Variants in ARHGEF10L observed in about 807,000 individuals in gnomAD.
The protein encoded by ARHGEF10L is rho guanine nucleotide exchange factor 10-like protein.
Under a neutral mutation model 141.2 loss-of-function variants are expected in ARHGEF10L, and 69 were observed. The observed-to-expected ratio is 0.49, with a 90% confidence interval of 0.40 to 0.60. The LOEUF (loss-of-function observed/expected upper bound fraction) is 0.60. Ranked by LOEUF, ARHGEF10L falls within the 20% of genes least tolerant of loss-of-function variation. The pLI, the probability that ARHGEF10L is intolerant of heterozygous loss-of-function variation, is 0.00. For missense variants in ARHGEF10L, 1,482 were observed against 1,734.3 expected (o/e 0.85, Z 2.58); for synonymous variants, 711 against 718.5 (o/e 0.99, Z 0.17).
the ARHGEF10L span, among the ~76,000 whole-genome samples, chr1:17,515,027 C>A: frequency 6.6e-6 from 1 of 152,194 alleles, no homozygotes; most frequent in Non-Finnish European, 1.5e-5. Flanking sequence ...AAATGGGACA[C>A]CCTCTTGATA....
chr1:17,597,210 C>T (rs887922338), intron 4 of ARHGEF10L, among the ~76,000 whole-genome samples: 1 of 152,160 alleles, frequency 6.6e-6, no homozygotes, highest in Non-Finnish European at 1.5e-5. Context: ...CTCTCATTTG[C>T]AAGCTGAGAG....
At chr1:17,522,539 C>T in the ARHGEF10L span, among the ~76,000 whole-genome samples, 3 of 152,020 alleles carry the variant, frequency 2.0e-5, no homozygotes, top group African/African-American at 7.2e-5. Flanking sequence ...GGCTCCTCCT[C>T]TCGGTGGTTT....
At position 17,623,970 on chromosome 1, in the gene ARHGEF10L, C is replaced by T. The variant is rs182291693; in HGVS notation, c.1201-417C>T. Among the ~76,000 whole-genome samples, 2 of 152,296 alleles carry T rather than the reference C, an allele frequency of 1.3e-5. No homozygotes were observed. Among genetic ancestry groups the T allele is most frequent in the East Asian group, 1.9e-4 (1 of 5,172 alleles). On this transcript the variant is annotated intron_variant, in intron 12 of 28. Transcript: ENST00000361221. This position sits in a 1 kb window ranked among gnomAD's most constrained non-coding sequence, Gnocchi z 4.7. ...GTAACTCAACTCTGGGCACGCTGCC[C>T]GGTGAGAGGCCAGGAGCACTTTCCT...
chr1:17,654,576 A>T lies in ARHGEF10L; in HGVS notation c.2395-60A>T. 1.4e-6 allele frequency: 2 copies of T among 1,481,274 alleles called. No homozygotes were observed. The highest frequency in any genetic ancestry group is 1.1e-5 in the South Asian group (1 of 88,580). The allele number at this position is 1,481,274 out of a possible 1,614,324, so 91.8% of individuals were successfully genotyped here. ...TTGGATGGGGCCCAGGAATCTGCCAAATATTGGCATCTGGGCACCTTGATG... is the reference window on the plus strand; with the variant it reads ...TTGGATGGGGCCCAGGAATCTGCCATATATTGGCATCTGGGCACCTTGATG... On this transcript the variant is annotated intron_variant, in intron 22 of 28. Transcript: ENST00000361221. This position sits in a 1 kb window ranked among gnomAD's most constrained non-coding sequence, Gnocchi z 4.3.
intron 1 of ARHGEF10L, among the ~76,000 whole-genome samples, chr1:17,550,569 G>A (rs897131162): frequency 6.6e-6 from 1 of 151,726 alleles, no homozygotes; most frequent in South Asian, 2.1e-4. Flanking sequence ...TCGAACCCAG[G>A]AGGGTGGAGG....
chr1:17,682,260 C>T (rs2064182525), intron 26 of ARHGEF10L, among the ~76,000 whole-genome samples: 2 of 152,120 alleles, frequency 1.3e-5, no homozygotes, highest in African/African-American at 4.8e-5. Flanking sequence ...GTTTTGATAC[C>T]TCTGATTTAG....
rs1194036500 is a variant in ARHGEF10L, at chr1:17,695,228, T to C, written c.3255T>C (p.Gly1085=). 6.2e-7 allele frequency: 1 copy of C among 1,609,634 alleles called. No homozygotes were observed. Among genetic ancestry groups the C allele is most frequent in the African/African-American group, 1.3e-5 (1 of 74,802 alleles). The stretch of plus-strand genomic sequence containing the variant: ...TGCTCTGGGTGGGCACTGACCAGGG[T>C]GTCATCGTCCTGCTGCCCGTGCCTC... ...QGLLWVGTDQ[G]VIVLLPVPRL... The change falls in exon 28 of 29, where the codon GGT becomes GGC. Residue 1085 remains glycine, a synonymous_variant. Transcript: ENST00000361221.
At chr1:17,634,615 T>C in intron 17 of ARHGEF10L, 53 bp downstream of exon 17, 1 of 1,602,734 alleles carries the variant, frequency 6.2e-7, no homozygotes, top group Non-Finnish European at 8.5e-7. Flanking sequence ...TCTGGGGCTC[T>C]GGTGCCATGT....
At position 17,625,820 on chromosome 1, in the gene ARHGEF10L, C is replaced by A. The variant is rs1458740043; in HGVS notation, c.1318-136C>A. The A allele has an allele frequency of 1.8e-5, 13 of 739,020 alleles. No individual in the cohort carries two copies. Among genetic ancestry groups the A allele is most frequent in the Non-Finnish European group, 2.9e-5 (13 of 442,170 alleles). 45.8% of individuals were successfully genotyped at this position (739,020 alleles called of 1,614,324 possible). On this transcript the variant is annotated intron_variant, in intron 13 of 28. Coordinates refer to ENST00000361221, the MANE Select transcript of ARHGEF10L (RefSeq NM_018125.4). The surrounding 1 kb of genome is among the most constrained non-coding windows in gnomAD (Gnocchi z 4.5). ...GCAGAACCACGGACCTCTCTCAGCT[C>A]TTCTTGCAAGCCCAGGGATAGGCAG...
In ARHGEF10L at chr1:17,639,114, C is replaced by T. The variant is rs999302451; in HGVS notation, c.2171+425C>T. Among the ~76,000 whole-genome samples the T allele has an allele frequency of 6.6e-6, 1 of 152,210 alleles. No individual in the cohort carries two copies. Among genetic ancestry groups the T allele is most frequent in the African/African-American group, 2.4e-5 (1 of 41,456 alleles). ...CACCACAGGAGCTGTGCACAGTAGACCCCAACTGAGGTTTGTGGAACTGAT... is the reference window on the plus strand; with the variant it reads ...CACCACAGGAGCTGTGCACAGTAGATCCCAACTGAGGTTTGTGGAACTGAT... On this transcript the variant is annotated intron_variant, in intron 20 of 28. Transcript: ENST00000361221. The surrounding 1 kb of genome is among the most constrained non-coding windows in gnomAD (Gnocchi z 4.3).
At position 17,558,843 on chromosome 1, in the gene ARHGEF10L, A is replaced by G. The variant is rs1210297011; in HGVS notation, c.-44+18893A>G. The stretch of plus-strand genomic sequence containing the variant: ...ACAGATAGGGTCCAGGCAGGGGACA[A>G]CACTGTGCCACAGGCTCCCTGGGCT... On this transcript the variant is annotated intron_variant, in intron 1 of 28. Coordinates refer to ENST00000361221, the MANE Select transcript of ARHGEF10L (RefSeq NM_018125.4). This position sits in a 1 kb window ranked among gnomAD's most constrained non-coding sequence, Gnocchi z 4.2. 6.6e-6 allele frequency among the ~76,000 whole-genome samples: 1 copy of G among 152,188 alleles called. No homozygotes were observed. The highest frequency in any genetic ancestry group is 1.5e-5 in the Non-Finnish European group (1 of 68,032).
At chr1:17,653,951 G>A (rs1417338491) in intron 22 of ARHGEF10L, among the ~76,000 whole-genome samples, 1 of 152,234 alleles carries the variant, frequency 6.6e-6, no homozygotes, top group African/African-American at 2.4e-5. Context: ...CACCAGCAGA[G>A]GGCAGCAGCT....
chr1:17,670,787 T>G (rs1156533059), intron 26 of ARHGEF10L, among the ~76,000 whole-genome samples: 3 of 152,256 alleles, frequency 2.0e-5, no homozygotes, highest in Non-Finnish European at 2.9e-5. Flanking sequence ...GGATGTGGAC[T>G]AGAAGCCAGG....
intron 26 of ARHGEF10L, among the ~76,000 whole-genome samples, chr1:17,679,347 TCAGA>T: frequency 6.6e-6 from 1 of 152,226 alleles, no homozygotes; most frequent in South Asian, 2.1e-4. Flanking sequence ...TGTTGGGGAA[TCAGA>T]CAGAGCTCAC....
intron 1 of ARHGEF10L, among the ~76,000 whole-genome samples, chr1:17,541,793 C>A (rs1026114462): frequency 6.6e-6 from 1 of 151,512 alleles, no homozygotes; most frequent in Non-Finnish European, 1.5e-5. Flanking sequence ...CATGGTGAAA[C>A]CCCATCTCTA....
rs1177104192 is a variant in ARHGEF10L, at chr1:17,616,219, G to A, written c.835+17G>A. 1.2e-6 allele frequency: 2 copies of A among 1,606,490 alleles called. No homozygotes were observed. Among genetic ancestry groups the A allele is most frequent in the East Asian group, 2.2e-5 (1 of 44,810 alleles). On this transcript the variant is annotated intron_variant, in intron 9 of 28. Transcript: ENST00000361221. ...ACGTCCTCGGTGAGGCGCTGCCCGA[G>A]CGGGAGGGTCTGGTGCCCAGCTCTG...
At chr1:17,564,256 C>T (rs1396309090) in intron 1 of ARHGEF10L, among the ~76,000 whole-genome samples, 1 of 152,180 alleles carries the variant, frequency 6.6e-6, no homozygotes, top group Non-Finnish European at 1.5e-5. Context: ...TGTGCCTGCC[C>T]TCAGCCCCCA....
upstream of ARHGEF10L, among the ~76,000 whole-genome samples, chr1:17,534,818 A>T (rs1164607542): frequency 6.6e-6 from 1 of 151,664 alleles, no homozygotes; most frequent in East Asian, 1.9e-4. Flanking sequence ...CAAACTCCTG[A>T]CCTCAGATGA....
intron 4 of ARHGEF10L, among the ~76,000 whole-genome samples, chr1:17,589,492 G>A (rs2079346270): frequency 6.6e-6 from 1 of 152,198 alleles, no homozygotes; most frequent in Non-Finnish European, 1.5e-5. Flanking sequence ...TGAGCAAGAG[G>A]GGCTAATTCT....
Sources: gnomAD v4.1 joint callset for allele counts (sites outside exome capture counted in the v4.1 genomes callset) on GRCh38, gnomAD v4.1.1 for gene constraint, Gnocchi (gnomAD v3.1) non-coding constraint, MANE v1.5 for transcripts, NCBI Gene and HGNC (gene_info 2026-07-23, HGNC 2026-07-21) for gene names.